Variants in DOCK7 observed in about 807,000 individuals in gnomAD.
The protein encoded by DOCK7 is dedicator of cytokinesis protein 7.
DOCK7 carries 138 observed loss-of-function variants against 271.0 expected under a neutral mutation model. That is an observed-to-expected ratio of 0.51 (90% CI 0.44 to 0.59). DOCK7 has a LOEUF of 0.59. Among genes scored for constraint, DOCK7 ranks in the 20% least tolerant of loss-of-function variants. The pLI is 0.00. For synonymous variants in DOCK7, 823 were observed against 876.1 expected, an observed-to-expected ratio of 0.94 and a Z score of 1.07; for missense variants, 2,066 against 2,592.4, an observed-to-expected ratio of 0.80 and a Z score of 4.41.
rs763384017 is a variant in DOCK7, at chr1:62,647,711, A to C, written c.798T>G (p.Leu266=). 6.2e-7 allele frequency: 1 copy of C among 1,607,006 alleles called. No homozygotes were observed. The highest frequency in any genetic ancestry group is 8.5e-7 in the Non-Finnish European group (1 of 1,177,372). The stretch of plus-strand genomic sequence containing the variant: ...CTCACTTGAGTGATAAGCATTTTAC[A>C]AGAAGTCTTTGACCAAAATGTTCTT... The part of the protein sequence containing the change: ...IPKEHFGQRL[L]VKCLSLKFEI... The change falls in exon 7 of 50, where the codon CTT becomes CTG. Residue 266 remains leucine (L), a synonymous_variant. Coordinates refer to ENST00000635253, the MANE Select transcript of DOCK7 (RefSeq NM_001367561.1).
At position 62,539,884 on chromosome 1, in the gene DOCK7, G is replaced by T; in HGVS notation, c.3054C>A (p.Ser1018Arg). 6.3e-7 allele frequency: 1 copy of T among 1,585,456 alleles called. No homozygotes were observed. The highest frequency in any genetic ancestry group is 8.5e-7 in the Non-Finnish European group (1 of 1,169,672). ...AWFFFELMVK[S>R]MVHHLYFNDK... Reference sequence around the variant, plus strand: ...CATTAAAGTATAAATGGTGCACCATGCTCTTTACCTGAAAAAAAGATATAA... The same window carrying T: ...CATTAAAGTATAAATGGTGCACCATTCTCTTTACCTGAAAAAAAGATATAA... The change falls in exon 26 of 50, where the codon AGC becomes AGA. Residue 1018 changes from serine to arginine, a missense_variant. This residue lies in a region of DOCK7 where 1,414 missense variants were observed against 1,670.4 expected (regional missense o/e 0.85). Transcript: ENST00000635253.
chr1:62,474,806 A>C (rs1645924166), intron 47 of DOCK7, among the ~76,000 whole-genome samples: 1 of 152,222 alleles, frequency 6.6e-6, no homozygotes, highest in Non-Finnish European at 1.5e-5. Flanking sequence ...TCTAATCTGC[A>C]TATGACAAAA....
chr1:62,612,256 A>G (rs1207877992), intron 14 of DOCK7, among the ~76,000 whole-genome samples: 1 of 152,160 alleles, frequency 6.6e-6, no homozygotes, highest in Admixed American at 6.5e-5. Flanking sequence ...AAATATTACC[A>G]ACAAAACAAA....
chr1:62,509,545 T>A (rs1029459010), intron 34 of DOCK7, among the ~76,000 whole-genome samples: 4 of 152,068 alleles, frequency 2.6e-5, no homozygotes, highest in African/African-American at 2.4e-5. Context: ...GTACAGTACC[T>A]GGCTACTCTG....
intron 14 of DOCK7, chr1:62,602,433 C>A: frequency 6.7e-7 from 1 of 1,488,462 alleles, no homozygotes; most frequent in East Asian, 2.3e-5. Context: ...CAAATATTTA[C>A]TGAGAACCTC....
chr1:62,518,601 G>A (rs184604494), intron 31 of DOCK7, among the ~76,000 whole-genome samples: 1,569 of 148,550 alleles, frequency 0.011, 37 homozygotes, highest in African/African-American at 0.037. Flanking sequence ...TTAGCCAGGC[G>A]CAGTGGCAGT....
At position 62,633,550 on chromosome 1, in the gene DOCK7, A is replaced by G. The variant is rs754365166; in HGVS notation, c.1064T>C (p.Ile355Thr). 1 of 1,613,338 alleles carries G rather than the reference A, an allele frequency of 6.2e-7. No homozygotes were observed. The highest frequency in any genetic ancestry group is 2.2e-5 in the East Asian group (1 of 44,786). The change falls in exon 10 of 50, where the codon ATT (isoleucine) becomes ACT (threonine). Residue 355 changes from isoleucine to threonine, a missense_variant. Around this residue, in one of 2 missense-constraint regions of DOCK7, gnomAD observed 1,414 missense variants for 1,670.4 expected, o/e 0.85. Coordinates refer to ENST00000635253, the MANE Select transcript of DOCK7 (RefSeq NM_001367561.1). Reference protein sequence around the residue: ...KLEKVLQQGDIGECAEPYMIF... With the variant: ...KLEKVLQQGDTGECAEPYMIF... ...CATATATGGTTCTGCACACTCTCCA[A>G]TGTCTCCTTGCTGTAGGACTTTTTC...
At chr1:62,505,575 ATTAATATAT>A in intron 36 of DOCK7, 98 bp downstream of exon 36, 6 of 1,195,358 alleles carry the variant, frequency 5.0e-6, no homozygotes, top group Non-Finnish European at 1.2e-6. Context: ...ACACATATTC[ATTAATATAT>A]TACTACATAT....
chr1:62,474,130 C>A (rs764795336), intron 47 of DOCK7, 42 bp from the exon 48 acceptor site: 1 of 1,517,398 alleles, frequency 6.6e-7, no homozygotes, highest in Non-Finnish European at 9.1e-7. Context: ...TTTGTTATCT[C>A]TAAAATCACA....
intron 21 of DOCK7, among the ~76,000 whole-genome samples, chr1:62,553,891 G>A (rs917997151): frequency 6.6e-5 from 10 of 151,226 alleles, no homozygotes; most frequent in African/African-American, 2.2e-4. Flanking sequence ...CTTTCACTTC[G>A]GTATAGTTGG....
intron 31 of DOCK7, among the ~76,000 whole-genome samples, chr1:62,527,272 T>C (rs1045980081): frequency 1.3e-5 from 2 of 152,158 alleles, no homozygotes; most frequent in African/African-American, 2.4e-5. Context: ...TAAAAAAGTA[T>C]AAATATTCAC....
intron 31 of DOCK7, among the ~76,000 whole-genome samples, chr1:62,521,684 T>C (rs748256647): frequency 6.6e-6 from 1 of 152,104 alleles, no homozygotes; most frequent in Non-Finnish European, 1.5e-5. Flanking sequence ...CAAAAATCAG[T>C]TGTTAAGAAG....
intron 14 of DOCK7, chr1:62,598,105 G>T: frequency 6.7e-7 from 1 of 1,488,072 alleles, no homozygotes; most frequent in Non-Finnish European, 9.0e-7. Flanking sequence ...TTTTCAATGT[G>T]GATCTTTTAA....
At chr1:62,656,647 T>C (rs576214435) in intron 2 of DOCK7, among the ~76,000 whole-genome samples, 2 of 151,988 alleles carry the variant, frequency 1.3e-5, no homozygotes, top group Admixed American at 6.5e-5. Context: ...CTGAAAGGTA[T>C]AGAGAAAAAG....
intron 7 of DOCK7, among the ~76,000 whole-genome samples, chr1:62,642,310 T>C (rs1661160000): frequency 1.3e-5 from 2 of 152,074 alleles, no homozygotes; most frequent in Non-Finnish European, 2.9e-5. Flanking sequence ...GGTTTTACCA[T>C]GTTGTCCAGG....
chr1:62,677,562 A>T (rs1660670668), intron 1 of DOCK7, among the ~76,000 whole-genome samples: 1 of 151,816 alleles, frequency 6.6e-6, no homozygotes, highest in African/African-American at 2.4e-5. Flanking sequence ...AAAAAAAAAA[A>T]TTCCCATGTA....
intron 14 of DOCK7, among the ~76,000 whole-genome samples, chr1:62,611,122 C>T (rs1651732796): frequency 6.6e-6 from 1 of 152,114 alleles, no homozygotes; most frequent in African/African-American, 2.4e-5. Flanking sequence ...ATTGTTGATG[C>T]TTATTACTAT....
chr1:62,591,395 G>A (rs1648428512), intron 14 of DOCK7, among the ~76,000 whole-genome samples: 1 of 151,946 alleles, frequency 6.6e-6, no homozygotes, highest in African/African-American at 2.4e-5. Context: ...ATAACTATTG[G>A]GTACTGGGCT....
chr1:62,527,021 C>T (rs1192854630), intron 31 of DOCK7, among the ~76,000 whole-genome samples: 1 of 152,034 alleles, frequency 6.6e-6, no homozygotes, highest in Admixed American at 6.6e-5. Context: ...ATACTAAAAA[C>T]CATTAAGGTA....
Sources: allele counts gnomAD v4.1 joint callset (sites outside exome capture counted in the v4.1 genomes callset), GRCh38; gene constraint gnomAD v4.1.1; regional missense constraint gnomAD v4.1.1; transcripts MANE v1.5; gene names NCBI Gene and HGNC (gene_info 2026-07-23, HGNC 2026-07-21).